Variants in ZNF721 observed in about 807,000 individuals in gnomAD.
ZNF721 encodes zinc finger protein 721.
A neutral mutation model predicts 2.4 loss-of-function variants in ZNF721; 2 were observed. The ratio of observed to expected loss-of-function variants is 0.82; its 90% CI spans 0.34 to 2.58. The LOEUF is 2.58. Ranked by LOEUF, ZNF721 falls within the 30% of genes most tolerant of loss-of-function variation. The pLI, the probability that ZNF721 is intolerant of heterozygous loss-of-function variation, is 0.11. For synonymous variants in ZNF721, 398 were observed against 381.8 expected (o/e 1.04, Z -0.50); for missense variants, 1,187 against 1,085.5 (o/e 1.09, Z -1.31).
chr4:488,812 G>C lies in ZNF721; in HGVS notation c.-94+10244C>G, dbSNP rs558263926. ...GCCACTGCATTCCGGCCTGGCAACA[G>C]AGCGATACTCCATCTCAAAAAAAAA... On this transcript the variant is annotated intron_variant, in intron 1 of 2. Coordinates refer to ENST00000511833, the MANE Select transcript of ZNF721 (RefSeq NM_133474.4). Among the ~76,000 whole-genome samples, 90 of 151,992 alleles carry C rather than the reference G, an allele frequency of 5.9e-4. 2 individuals are homozygous for C. In the South Asian group the frequency reaches 0.018, roughly 31 times the overall value.
At position 488,816 on chromosome 4, in the gene ZNF721, G is replaced by A. The variant is rs74783493; in HGVS notation, c.-94+10240C>T. Reference sequence around the variant, plus strand: ...CTGCATTCCGGCCTGGCAACAGAGCGATACTCCATCTCAAAAAAAAATAAA... The same window carrying A: ...CTGCATTCCGGCCTGGCAACAGAGCAATACTCCATCTCAAAAAAAAATAAA... On this transcript the variant is annotated intron_variant, in intron 1 of 2. Transcript: ENST00000511833. Among the ~76,000 whole-genome samples, 1,430 of 151,772 alleles carry A rather than the reference G, an allele frequency of 9.4e-3. 29 individuals are homozygous for A. The highest frequency in any genetic ancestry group is 0.033 in the African/African-American group (1,355 of 41,362).
At chr4:486,908 C>T (rs746094848) in intron 1 of ZNF721, among the ~76,000 whole-genome samples, 1 of 152,100 alleles carries the variant, frequency 6.6e-6, no homozygotes, top group African/African-American at 2.4e-5. Flanking sequence ...GATGGGATGA[C>T]ATTCTCAAAA....
chr4:495,693 C>G (rs1401703271), intron 1 of ZNF721, among the ~76,000 whole-genome samples: 2 of 150,516 alleles, frequency 1.3e-5, no homozygotes, highest in Non-Finnish European at 3.0e-5. Flanking sequence ...ACCTCCACCT[C>G]CCGGGTTCAT....
intron 1 of ZNF721, among the ~76,000 whole-genome samples, chr4:483,888 T>C (rs1553869875): frequency 1.3e-5 from 2 of 152,190 alleles, no homozygotes; most frequent in East Asian, 1.9e-4. Context: ...CTCAGCTCAC[T>C]GCAACCTCAG....
At chr4:495,819 G>A (rs1294513597) in intron 1 of ZNF721, among the ~76,000 whole-genome samples, 1 of 152,078 alleles carries the variant, frequency 6.6e-6, no homozygotes, top group Admixed American at 6.6e-5. Flanking sequence ...GGCCAGGATG[G>A]TCTTGATCTC....
chr4:468,456 C>G lies in ZNF721; in HGVS notation c.34+4119G>C, dbSNP rs114731018. Among the ~76,000 whole-genome samples, 790 of 152,110 alleles carry G rather than the reference C, an allele frequency of 5.2e-3. 6 individuals are homozygous for G. The highest frequency in any genetic ancestry group is 0.018 in the African/African-American group (747 of 41,502). On this transcript the variant is annotated intron_variant, in intron 2 of 2. Coordinates refer to ENST00000511833, the MANE Select transcript of ZNF721 (RefSeq NM_133474.4). ...AAAAAAAGAAAAAAAAAAACTGTTC[C>G]CAGGTAGTCAGTAAAAGCTAAACCC...
rs1553863205 is a variant in ZNF721 at position 441,987 on chromosome 4, T to C, written c.2480A>G (p.His827Arg). Residue 827 changes from histidine (H) to arginine (R), a missense_variant, in exon 3 of 3, where the codon CAT becomes CGT. By Grantham distance (29) the His-to-Arg change is conservative. Coordinates refer to ENST00000511833, the MANE Select transcript of ZNF721 (RefSeq NM_133474.4). The stretch of plus-strand genomic sequence containing the variant: ...TTTCTCTCCAGTATGAATTCTCCTA[T>C]GTTTAGTAAGGGTTGTGGAACTAGT... Reference protein sequence around the residue: ...AFTSSTTLTKHRRIHTGEKPY... With the variant: ...AFTSSTTLTKRRRIHTGEKPY... 3.1e-6 allele frequency: 5 copies of C among 1,613,994 alleles called. No homozygotes were observed. The highest frequency in any genetic ancestry group is 2.2e-5 in the East Asian group (1 of 44,884).
In ZNF721 at chr4:443,151, T is replaced by C. The variant is rs782505422; in HGVS notation, c.1316A>G (p.His439Arg). 6 of 1,613,806 alleles carry C rather than the reference T, an allele frequency of 3.7e-6. No homozygotes were observed. The highest frequency in any genetic ancestry group is 2.2e-5 in the East Asian group (1 of 44,884). ...ACATTTGTAGGGTTTATCTCCAGTA[T>C]GAATTTTCTTATATTCATTCAGGTT... ...STNLNEYKKI[H>R]TGDKPYKCKE... is the part of the protein sequence containing the mutation. Residue 439 changes from histidine (H) to arginine (R), a missense_variant, in exon 3 of 3, where the codon CAT (histidine) becomes CGT (arginine). By Grantham distance (29) the His-to-Arg change is conservative. Transcript: ENST00000511833.
chr4:442,935 G>A lies in ZNF721; in HGVS notation c.1532C>T (p.Thr511Ile), dbSNP rs782736707. 6.2e-7 allele frequency: 1 copy of A among 1,613,238 alleles called. No individual in the cohort carries two copies. Among genetic ancestry groups the A allele is most frequent in the Non-Finnish European group, 8.5e-7 (1 of 1,179,754 alleles). The change falls in exon 3 of 3, where the codon ACT becomes ATT. Residue 511 changes from threonine (T) to isoleucine (I), a missense_variant. By Grantham distance (89) the Thr-to-Ile change is moderately conservative. Coordinates refer to ENST00000511833, the MANE Select transcript of ZNF721 (RefSeq NM_133474.4). The part of the protein sequence containing the change: ...FECLECGKAF[T>I]SSTTLTKHRR... ...ATGTTTAGTAAGGGTTGTGGAACTA[G>A]TAAACGCTTTACCACATTCTAAACA...
chr4:455,206 C>T (rs1714808674), intron 2 of ZNF721, among the ~76,000 whole-genome samples: 1 of 152,144 alleles, frequency 6.6e-6, no homozygotes, highest in Non-Finnish European at 1.5e-5. Context: ...GGTTGTTTAC[C>T]CTTAAAGATA....
chr4:464,231 G>A (rs1408146292), intron 2 of ZNF721, among the ~76,000 whole-genome samples: 2 of 152,130 alleles, frequency 1.3e-5, no homozygotes, highest in Non-Finnish European at 2.9e-5. Flanking sequence ...AGCACTTTGG[G>A]AGGCCAAGGC....
chr4:487,990 T>C (rs782021096), intron 1 of ZNF721, among the ~76,000 whole-genome samples: 20 of 152,198 alleles, frequency 1.3e-4, no homozygotes, highest in Non-Finnish European at 2.6e-4. Context: ...CATGCCTTCA[T>C]CTGCATGGGG....
chr4:444,979 CTTTTTTTTTTT>C (rs569762644), intron 2 of ZNF721, among the ~76,000 whole-genome samples: 1 of 108,736 alleles, frequency 9.2e-6, no homozygotes, highest in Non-Finnish European at 1.7e-5. Context: ...TGATGAGAGA[CTTTTTTTTTTT>C]TTTTTTTTTT....
intron 2 of ZNF721, among the ~76,000 whole-genome samples, chr4:449,024 T>C (rs1279272694): frequency 2.0e-5 from 3 of 152,138 alleles, no homozygotes; most frequent in Non-Finnish European, 4.4e-5. Flanking sequence ...ATATCTAAAG[T>C]GGTCTGACTT....
intron 1 of ZNF721, among the ~76,000 whole-genome samples, chr4:475,826 C>T (rs1715611399): frequency 6.6e-6 from 1 of 151,942 alleles, no homozygotes; most frequent in African/African-American, 2.4e-5. Flanking sequence ...CAAGCTAAAG[C>T]AGCCTTTAAA....
chr4:449,742 C>A (rs782674370), intron 2 of ZNF721, among the ~76,000 whole-genome samples: 2 of 152,076 alleles, frequency 1.3e-5, no homozygotes, highest in Non-Finnish European at 2.9e-5. Flanking sequence ...TGAATATAGG[C>A]AAGAGACTTT....
At chr4:456,102 G>A (rs982337638) in intron 2 of ZNF721, among the ~76,000 whole-genome samples, 7 of 143,762 alleles carry the variant, frequency 4.9e-5, no homozygotes, top group Admixed American at 3.4e-4. Flanking sequence ...ATGGAGTCTC[G>A]CCCTGTCACC....
At chr4:474,002 T>A in intron 1 of ZNF721, 1 of 1,504,882 alleles carries the variant, frequency 6.6e-7, no homozygotes, top group Non-Finnish European at 9.0e-7. Context: ...TTCAAGGGTG[T>A]CGCGAAGTCT....
At chr4:458,849 A>G (rs1318089318) in intron 2 of ZNF721, among the ~76,000 whole-genome samples, 2 of 109,480 alleles carry the variant, frequency 1.8e-5, no homozygotes, top group Non-Finnish European at 3.6e-5. Context: ...CCGTCTAAAG[A>G]AAAAAAAAAC....
Sources: allele counts gnomAD v4.1 joint callset (sites outside exome capture counted in the v4.1 genomes callset), GRCh38; gene constraint gnomAD v4.1.1; transcripts MANE v1.5; gene names NCBI Gene and HGNC (gene_info 2026-07-23, HGNC 2026-07-21).